Variants in ZNF407 observed in about 807,000 individuals in gnomAD.
The protein encoded by ZNF407 is zinc finger protein 407.
ZNF407 carries 17 observed loss-of-function variants against 131.2 expected under a neutral mutation model. That is an observed-to-expected ratio of 0.13 (90% CI 0.09 to 0.19). ZNF407 has a LOEUF of 0.19. Ranked by LOEUF, ZNF407 falls within the 10% of genes least tolerant of loss-of-function variation. ZNF407 has a pLI of 1.00. For synonymous variants in ZNF407, 1,156 were observed against 1,062.0 expected (o/e 1.09, Z -1.72); for missense variants, 2,681 against 2,830.6 (o/e 0.95, Z 1.20).
intron 8 of ZNF407, among the ~76,000 whole-genome samples, chr18:74,977,719 G>C (rs975384046): frequency 1.3e-5 from 2 of 150,932 alleles, no homozygotes; most frequent in Non-Finnish European, 3.0e-5. Context: ...TCCCCTCTCT[G>C]CGAGATCCCC....
At chr18:75,053,670 A>G (rs1973527555) in intron 8 of ZNF407, among the ~76,000 whole-genome samples, 1 of 152,256 alleles carries the variant, frequency 6.6e-6, no homozygotes, top group Non-Finnish European at 1.5e-5. Context: ...AAATGAAGAT[A>G]GTAGTTTCTA....
Position 74,635,739 on chromosome 18 carries a change from G to A in ZNF407, c.4687+33G>A, listed in dbSNP as rs1037853283. 1 of 1,534,740 alleles carries A rather than the reference G, an allele frequency of 6.5e-7. No homozygotes were observed. Among genetic ancestry groups the A allele is most frequent in the Admixed American group, 2.1e-5 (1 of 48,314 alleles). ...GCTCTGCAGCAAGCCAAGTCAGTGA[G>A]GACATGGGGCCATTTGTTCCCATCC... On this transcript the variant is annotated intron_variant, in intron 2 of 8. Transcript: ENST00000299687. This position sits in a 1 kb window ranked among gnomAD's most constrained non-coding sequence, Gnocchi z 4.7.
chr18:74,657,732 G>A (rs541117423), intron 3 of ZNF407, among the ~76,000 whole-genome samples: 3 of 152,184 alleles, frequency 2.0e-5, no homozygotes, highest in African/African-American at 7.2e-5. Context: ...CAGTGTTTAC[G>A]CTGTACTTGT....
intron 3 of ZNF407, among the ~76,000 whole-genome samples, chr18:74,727,625 T>G (rs987379170): frequency 6.6e-6 from 1 of 152,184 alleles, no homozygotes; most frequent in East Asian, 1.9e-4. Flanking sequence ...TTTTCGTTAC[T>G]TTTCAACTTT....
At chr18:74,683,719 C>T (rs1407753356) in intron 3 of ZNF407, among the ~76,000 whole-genome samples, 1 of 152,114 alleles carries the variant, frequency 6.6e-6, no homozygotes, top group African/African-American at 2.4e-5. Context: ...TGAGAATGAT[C>T]CTTATTGTCT....
At position 74,635,506 on chromosome 18, in the gene ZNF407, A is replaced by T. The variant is rs747688722; in HGVS notation, c.4487A>T (p.Asp1496Val). Residue 1496 changes from aspartate (D) to valine (V), a missense_variant, in exon 2 of 9, where the codon GAT (aspartate) becomes GTT (valine). Coordinates refer to ENST00000299687, the MANE Select transcript of ZNF407 (RefSeq NM_017757.3). The surrounding 1 kb of genome is among the most constrained non-coding windows in gnomAD (Gnocchi z 4.7). ...TGTGTCAAGTGCACAGAGCCCTTTG[A>T]TTCTGAACAGAATTTATTTTTACAT... ...FKCVKCTEPF[D>V]SEQNLFLHIK... The T allele has an allele frequency of 5.0e-6, 8 of 1,612,396 alleles. No homozygotes were observed. The African/African-American group carries it at 1.1e-4, about 22-fold the overall frequency.
intron 7 of ZNF407, among the ~76,000 whole-genome samples, chr18:74,906,947 CTGTA>C (rs1026134167): frequency 3.3e-5 from 5 of 152,118 alleles, no homozygotes; most frequent in African/African-American, 1.2e-4. Context: ...TGCACACACA[CTGTA>C]TGTGTATATG....
chr18:74,840,902 G>A (rs955030535), intron 4 of ZNF407, among the ~76,000 whole-genome samples: 1 of 152,186 alleles, frequency 6.6e-6, no homozygotes, highest in African/African-American at 2.4e-5. Context: ...TCCCTCATGG[G>A]ATCTCTTCTC....
At chr18:74,651,674 G>C (rs1985232147) in intron 3 of ZNF407, among the ~76,000 whole-genome samples, 1 of 152,138 alleles carries the variant, frequency 6.6e-6, no homozygotes, top group Non-Finnish European at 1.5e-5. Context: ...GATTTAGTGG[G>C]AGTAAAAGGT....
chr18:74,607,199 G>C (rs1223417178), intron 1 of ZNF407, among the ~76,000 whole-genome samples: 2 of 152,168 alleles, frequency 1.3e-5, no homozygotes, highest in African/African-American at 4.8e-5. Flanking sequence ...CAGAGGGTTT[G>C]GGCATCAACC....
intron 4 of ZNF407, among the ~76,000 whole-genome samples, chr18:74,782,140 T>C (rs1969614844): frequency 6.6e-6 from 1 of 152,212 alleles, no homozygotes; most frequent in East Asian, 1.9e-4. Flanking sequence ...ATCTTTAAAA[T>C]GTGCAGCTCA....
chr18:74,946,332 A>G (rs552462111), intron 8 of ZNF407, among the ~76,000 whole-genome samples: 13 of 152,324 alleles, frequency 8.5e-5, no homozygotes, highest in Admixed American at 7.8e-4. Context: ...TGATTCTAAT[A>G]ACCATGGCAT....
At chr18:74,938,295 TA>T (rs1486527669) in intron 8 of ZNF407, among the ~76,000 whole-genome samples, 3 of 152,228 alleles carry the variant, frequency 2.0e-5, no homozygotes, top group Non-Finnish European at 2.9e-5. Context: ...AGGGCCGTTA[TA>T]GTAACCAAAT....
chr18:74,701,758 T>C (rs1490132037), intron 3 of ZNF407, among the ~76,000 whole-genome samples: 1 of 152,220 alleles, frequency 6.6e-6, no homozygotes, highest in Non-Finnish European at 1.5e-5. Context: ...TTTATATTCT[T>C]GGCCTTTGAA....
At chr18:74,960,689 C>G (rs1221563900) in intron 8 of ZNF407, among the ~76,000 whole-genome samples, 115 of 65,142 alleles carry the variant, frequency 1.8e-3, no homozygotes, top group East Asian at 3.1e-3. Context: ...GGTCCTGAGT[C>G]AGTGCTGGGT....
intron 4 of ZNF407, among the ~76,000 whole-genome samples, chr18:74,791,491 A>T (rs1969824984): frequency 6.6e-6 from 1 of 152,176 alleles, no homozygotes; most frequent in African/African-American, 2.4e-5. Flanking sequence ...TCAAGGTGAG[A>T]TGAGAAGCAA....
intron 3 of ZNF407, among the ~76,000 whole-genome samples, chr18:74,740,789 C>A (rs1968531108): frequency 6.6e-6 from 1 of 152,140 alleles, no homozygotes; most frequent in African/African-American, 2.4e-5. Context: ...TTTAGATTTC[C>A]CTGCTGGGAG....
At chr18:74,856,830 G>C (rs949307759) in intron 4 of ZNF407, among the ~76,000 whole-genome samples, 1 of 152,100 alleles carries the variant, frequency 6.6e-6, no homozygotes, top group Non-Finnish European at 1.5e-5. Flanking sequence ...CTGATGTCAG[G>C]CTTCTGATTT....
At position 74,631,523 on chromosome 18, in the gene ZNF407, C is replaced by T; in HGVS notation, c.504C>T (p.Phe168=). ...TTGATCTGGAAAGAGAATCTCCTTTCCCCCCGAAAGAAATTAGTGTTAGTT... is the reference window on the plus strand; with the variant it reads ...TTGATCTGGAAAGAGAATCTCCTTTTCCCCCGAAAGAAATTAGTGTTAGTT... ...VSLDLERESP[F]PPKEISVSCT... The change falls in exon 2 of 9, where the codon TTC becomes TTT. Residue 168 remains phenylalanine (F), a synonymous_variant. Coordinates refer to ENST00000299687, the MANE Select transcript of ZNF407 (RefSeq NM_017757.3). 1 of 1,613,758 alleles carries T rather than the reference C, an allele frequency of 6.2e-7. No homozygotes were observed. The highest frequency in any genetic ancestry group is 8.5e-7 in the Non-Finnish European group (1 of 1,179,886).
Sources: allele counts gnomAD v4.1 joint callset (sites outside exome capture counted in the v4.1 genomes callset), GRCh38; gene constraint gnomAD v4.1.1; non-coding constraint Gnocchi (gnomAD v3.1); transcripts MANE v1.5; gene names NCBI Gene and HGNC (gene_info 2026-07-23, HGNC 2026-07-21).